The following SLC26A3 variants were observed in gnomAD, a reference collection of about 807,000 sequenced individuals.
SLC26A3 encodes solute carrier family 26 member 3.
In SLC26A3, 64 loss-of-function variants were observed where a neutral mutation model predicts 85.6. The observed-to-expected ratio is 0.75, with a 90% CI of 0.61 to 0.92. The LOEUF is 0.92. SLC26A3 is among the 40% of genes least tolerant of loss of function. The pLI is 0.00. For missense variants in SLC26A3, 922 were observed against 927.3 expected, an observed-to-expected ratio of 0.99 and a Z score of 0.07; for synonymous variants, 349 against 336.0, an observed-to-expected ratio of 1.04 and a Z score of -0.42.
At chr7:107,777,504 C>A (rs41670) in intron 13 of SLC26A3, among the ~76,000 whole-genome samples, 2 of 151,904 alleles carry the variant, frequency 1.3e-5, no homozygotes, top group Non-Finnish European at 2.9e-5. Flanking sequence ...GTAGAAGAAT[C>A]GCTTGAACCC....
intron 16 of SLC26A3, 39 bp from the exon 17 acceptor site, chr7:107,774,192 G>A (rs778711484): frequency 1.4e-6 from 2 of 1,472,994 alleles, no homozygotes; most frequent in African/African-American, 2.8e-5. Context: ...CTGTGACCAA[G>A]AAAAACATTG....
intron 3 of SLC26A3, among the ~76,000 whole-genome samples, chr7:107,793,052 C>T (rs1300910658): frequency 6.6e-6 from 1 of 152,182 alleles, no homozygotes; most frequent in Non-Finnish European, 1.5e-5. Flanking sequence ...CCACTTCACA[C>T]TCACTGGGAT....
chr7:107,801,284 T>C (rs1420789014), intron 1 of SLC26A3, among the ~76,000 whole-genome samples: 1 of 152,226 alleles, frequency 6.6e-6, no homozygotes, highest in Non-Finnish European at 1.5e-5. Context: ...ACATATTCAA[T>C]GTCAGGGGTC....
chr7:107,776,920 T>A (rs1449759506), intron 13 of SLC26A3, among the ~76,000 whole-genome samples: 1 of 152,250 alleles, frequency 6.6e-6, no homozygotes, highest in African/African-American at 2.4e-5. Context: ...CTCCCATTTG[T>A]CATGTTACAG....
At chr7:107,789,413 T>G (rs1333113193) in intron 6 of SLC26A3, 111 bp downstream of exon 6, 4 of 1,117,596 alleles carry the variant, frequency 3.6e-6, no homozygotes. Flanking sequence ...ATGAAAAAAT[T>G]TTACAAACTG....
chr7:107,797,958 C>G (rs894991563), intron 1 of SLC26A3, among the ~76,000 whole-genome samples: 1 of 151,986 alleles, frequency 6.6e-6, no homozygotes, highest in Non-Finnish European at 1.5e-5. Flanking sequence ...AATGTAAAAG[C>G]CTTTTCATGT....
chr7:107,789,070 A>G (rs1371956183), intron 6 of SLC26A3, among the ~76,000 whole-genome samples: 3 of 148,180 alleles, frequency 2.0e-5, no homozygotes, highest in East Asian at 2.0e-4. Flanking sequence ...GATTACAGGT[A>G]TGAGCCATCA....
chr7:107,795,253 G>T (rs1379144794), intron 1 of SLC26A3, among the ~76,000 whole-genome samples: 1 of 152,168 alleles, frequency 6.6e-6, no homozygotes, highest in Non-Finnish European at 1.5e-5. Flanking sequence ...TGGGGATAAA[G>T]ATATTCAAGT....
intron 2 of SLC26A3, 36 bp downstream of exon 2, chr7:107,794,343 G>A (rs1425182716): frequency 1.9e-6 from 3 of 1,611,192 alleles, no homozygotes; most frequent in African/African-American, 1.3e-5. Context: ...CTTCAAAAAT[G>A]TATTCCTAAT....
intron 11 of SLC26A3, among the ~76,000 whole-genome samples, 193 bp downstream of exon 11, chr7:107,782,604 G>A (rs1794230201): frequency 6.6e-6 from 1 of 152,156 alleles, no homozygotes; most frequent in Admixed American, 6.5e-5. Context: ...GGGCACCTGT[G>A]TTCCTAACAT....
At chr7:107,783,374 T>G (rs1794242442) in intron 8 of SLC26A3, 22 bp from the exon 9 acceptor site, 1 of 1,613,816 alleles carries the variant, frequency 6.2e-7, no homozygotes, top group Admixed American at 1.7e-5. Flanking sequence ...ATTAAGCAAG[T>G]CTGAATGTCA....
intron 19 of SLC26A3, 50 bp from the exon 20 acceptor site, chr7:107,767,694 G>T: frequency 6.2e-7 from 1 of 1,605,600 alleles, no homozygotes; most frequent in Non-Finnish European, 8.5e-7. Context: ...TTTTTTTAAT[G>T]TTGAAAAAGA....
At chr7:107,777,616 T>C (rs546267016) in intron 13 of SLC26A3, among the ~76,000 whole-genome samples, 5 of 152,126 alleles carry the variant, frequency 3.3e-5, no homozygotes, top group South Asian at 4.1e-4. Context: ...AATAAATAAA[T>C]AAAAATTAAA....
intron 2 of SLC26A3, 59 bp from the exon 3 acceptor site, chr7:107,793,940 T>C (rs1284386038): frequency 5.0e-6 from 8 of 1,609,658 alleles, no homozygotes; most frequent in Non-Finnish European, 6.8e-6. Flanking sequence ...GTTTAGTACC[T>C]GTCGGTGGGA....
rs1021540573 is a variant in SLC26A3, at chr7:107,776,366, G to C, written c.1677+86C>G. ...ACCTCAACATATGTGACACAACCCA[G>C]TCTCAACAATGACCTTACAGAACAA... is the stretch of plus-strand genomic sequence containing the variant. On this transcript the variant is annotated intron_variant, in intron 15 of 20. Coordinates refer to ENST00000340010, the MANE Select transcript of SLC26A3 (RefSeq NM_000111.3). 8.0e-6 allele frequency: 9 copies of C among 1,120,880 alleles called. No individual in the cohort carries two copies. The African/African-American group carries it at 1.4e-4, about 17-fold the overall frequency. The allele number at this position is 1,120,880 out of a possible 1,614,324, so 69.4% of individuals were successfully genotyped here.
At chr7:107,794,138 T>A (rs1794454251) in intron 2 of SLC26A3, among the ~76,000 whole-genome samples, 2 of 152,180 alleles carry the variant, frequency 1.3e-5, no homozygotes, top group African/African-American at 2.4e-5. Flanking sequence ...AATGAGAATT[T>A]TCCTCTGTCC....
intron 6 of SLC26A3, among the ~76,000 whole-genome samples, chr7:107,789,096 T>C (rs527827751): frequency 6.7e-6 from 1 of 149,472 alleles, no homozygotes; most frequent in East Asian, 2.0e-4. Context: ...GGCTTTACTT[T>C]CTTTTTCTTT....
In SLC26A3 at chr7:107,767,490, C is replaced by T; in HGVS notation, c.2271+89G>A. On this transcript the variant is annotated intron_variant, in intron 20 of 20. Transcript: ENST00000340010. The stretch of plus-strand genomic sequence containing the variant: ...GAGGCTCAAGCAAGTGCTGGACTTT[C>T]TGCCACATGCAGGAAGTGGCCTCAC... The T allele has an allele frequency of 4.2e-6, 4 of 945,838 alleles. No homozygotes were observed. In the South Asian group the frequency reaches 5.4e-5, roughly 13 times the overall value. The allele number at this position is 945,838 out of a possible 1,614,324, so 58.6% of individuals were successfully genotyped here.
chr7:107,778,087 C>CT, intron 13 of SLC26A3, 88 bp downstream of exon 13: 1 of 860,260 alleles, frequency 1.2e-6, no homozygotes, highest in South Asian at 1.4e-5. Context: ...CAACCAACTA[C>CT]TGTTCTTTTA....
Sources: gnomAD v4.1 joint callset for allele counts (sites outside exome capture counted in the v4.1 genomes callset) on GRCh38, gnomAD v4.1.1 for gene constraint, MANE v1.5 for transcripts, NCBI Gene and HGNC (gene_info 2026-07-23, HGNC 2026-07-21) for gene names.